The following DCHS2 variants were observed in gnomAD, a reference collection of about 807,000 sequenced individuals.
DCHS2 encodes the protein protocadherin-23.
A neutral mutation model predicts 182.4 loss-of-function variants in DCHS2; 142 were observed. The observed-to-expected ratio is 0.78, with a 90% CI of 0.68 to 0.89. The LOEUF (loss-of-function observed/expected upper bound fraction) is 0.89, where lower values mean the gene tolerates loss of function less well. DCHS2 is among the 40% of genes least tolerant of loss of function. The pLI is 0.00. For missense variants in DCHS2, 4,319 were observed against 4,198.6 expected, an observed-to-expected ratio of 1.03 and a Z score of -0.79; for synonymous variants, 1,740 against 1,663.3, an observed-to-expected ratio of 1.05 and a Z score of -1.12.
chr4:154,484,127 C>T (rs760767202), intron 1 of DCHS2, among the ~76,000 whole-genome samples: 3 of 152,144 alleles, frequency 2.0e-5, no homozygotes, highest in Non-Finnish European at 4.4e-5. Context: ...TTATTTTTTA[C>T]TCCTTCCACC....
At chr4:154,407,934 A>G (rs1050454230) in intron 1 of DCHS2, among the ~76,000 whole-genome samples, 2 of 152,078 alleles carry the variant, frequency 1.3e-5, no homozygotes, top group Admixed American at 6.6e-5. Flanking sequence ...TACAAATGCA[A>G]AAGTTTCTAT....
rs762578462 is a variant in DCHS2, at chr4:154,259,529, A to AG, written c.6789+15_6789+16insC. The AG allele has an allele frequency of 3.8e-6, 6 of 1,595,564 alleles. No individual in the cohort carries two copies. Among genetic ancestry groups the AG allele is most frequent in the African/African-American group, 1.4e-5 (1 of 71,850 alleles). On this transcript the variant is annotated intron_variant, in intron 15 of 19. Coordinates refer to ENST00000357232, the MANE Select transcript of DCHS2 (RefSeq NM_001358235.2). ...ACACACACACACACACACACACACA[A>AG]ATATATTTCTGTTACCTGTATGACA...
intron 1 of DCHS2, among the ~76,000 whole-genome samples, chr4:154,473,470 CAG>C (rs1359055374): frequency 3.3e-5 from 5 of 152,186 alleles, no homozygotes; most frequent in Middle Eastern, 6.8e-3. Flanking sequence ...ACAATGCAGA[CAG>C]GGGAGAATTC....
intron 1 of DCHS2, among the ~76,000 whole-genome samples, chr4:154,458,295 C>T (rs984478950): frequency 2.0e-5 from 3 of 151,426 alleles, no homozygotes; most frequent in African/African-American, 7.3e-5. Context: ...CCCATATTTC[C>T]AAATGAATGG....
Position 154,334,977 on chromosome 4 carries a change from C to G in DCHS2, c.2604G>C (p.Gln868His). The G allele has an allele frequency of 6.2e-7, 1 of 1,614,094 alleles. No individual in the cohort carries two copies. Among genetic ancestry groups the G allele is most frequent in the African/African-American group, 1.3e-5 (1 of 75,016 alleles). ...INADVTIHIF[Q>H]TTLAPAEFER... ...CAAACTCAGCAGGTGCCAGAGTTGT[C>G]TGGAAAATGTGTATGGTGACATCGG... is the stretch of plus-strand genomic sequence containing the variant. Residue 868 changes from glutamine to histidine, a missense_variant, in exon 4 of 20, where the codon CAG (glutamine) becomes CAC (histidine). By Grantham distance (24) the Gln-to-His change is conservative. Transcript: ENST00000357232.
chr4:154,421,401 AATTT>A (rs776222808), intron 1 of DCHS2, among the ~76,000 whole-genome samples: 120 of 151,708 alleles, frequency 7.9e-4, no homozygotes, highest in Middle Eastern at 3.4e-3. Context: ...AATTTAATTT[AATTT>A]ATTTATTTGA....
At chr4:154,361,233 C>T (rs546184059) in intron 3 of DCHS2, among the ~76,000 whole-genome samples, 19 of 152,162 alleles carry the variant, frequency 1.2e-4, no homozygotes, top group African/African-American at 4.6e-4. Flanking sequence ...CTGCCTGTTG[C>T]CTTAAAATGA....
At chr4:154,456,693 A>C (rs1734781946) in intron 1 of DCHS2, among the ~76,000 whole-genome samples, 1 of 152,236 alleles carries the variant, frequency 6.6e-6, no homozygotes. Flanking sequence ...AAGGTAGACA[A>C]CTTAAAATAA....
At chr4:154,458,714 C>T (rs895911840) in intron 1 of DCHS2, among the ~76,000 whole-genome samples, 1 of 152,236 alleles carries the variant, frequency 6.6e-6, no homozygotes. Flanking sequence ...CAGATATATG[C>T]TGAAAACTCT....
chr4:154,306,293 G>A (rs1578943876), intron 10 of DCHS2, among the ~76,000 whole-genome samples: 2 of 152,072 alleles, frequency 1.3e-5, no homozygotes, highest in South Asian at 4.2e-4. Flanking sequence ...AATAACATAG[G>A]ACCAATGTAT....
At chr4:154,405,894 A>G (rs2110881640) in intron 1 of DCHS2, among the ~76,000 whole-genome samples, 1 of 152,312 alleles carries the variant, frequency 6.6e-6, no homozygotes, top group African/African-American at 2.4e-5. Context: ...TGAGTGATAC[A>G]TTGTAAATAG....
chr4:154,480,748 A>G (rs1466699340), intron 1 of DCHS2, among the ~76,000 whole-genome samples: 6 of 152,200 alleles, frequency 3.9e-5, no homozygotes, highest in Admixed American at 3.9e-4. Flanking sequence ...CACACATAAT[A>G]CAAATCAATT....
chr4:154,272,535 G>A (rs1446625138), intron 13 of DCHS2, among the ~76,000 whole-genome samples: 1 of 152,056 alleles, frequency 6.6e-6, no homozygotes, highest in African/African-American at 2.4e-5. Context: ...TAGTGAGTGA[G>A]TTCTCATGAG....
intron 1 of DCHS2, among the ~76,000 whole-genome samples, chr4:154,417,202 T>TGTGA (rs1732886330): frequency 9.5e-5 from 4 of 42,018 alleles, no homozygotes; most frequent in African/African-American, 3.4e-4. Flanking sequence ...TGTGTGTGTG[T>TGTGA]GTGAGAGAGA....
intron 2 of DCHS2, chr4:154,373,844 A>C: frequency 4.1e-6 from 5 of 1,219,130 alleles, no homozygotes; most frequent in Non-Finnish European, 5.9e-6. Flanking sequence ...GAGAAGGAAA[A>C]CTCGAAGCTC....
At chr4:154,475,050 T>C (rs1384386288) in intron 1 of DCHS2, among the ~76,000 whole-genome samples, 1 of 152,152 alleles carries the variant, frequency 6.6e-6, no homozygotes, top group Admixed American at 6.5e-5. Flanking sequence ...CTAATTATAA[T>C]AAAATTAAAG....
rs2111098278 is a variant in DCHS2 at position 154,239,343 on chromosome 4, G to A, written c.7360-41C>T. 3 of 1,606,708 alleles carry A rather than the reference G, an allele frequency of 1.9e-6. No individual in the cohort carries two copies. The South Asian group carries it at 3.3e-5, about 18-fold the overall frequency. On this transcript the variant is annotated intron_variant, in intron 18 of 19. Coordinates refer to ENST00000357232, the MANE Select transcript of DCHS2 (RefSeq NM_001358235.2). ...AAAAATAGGGACATTGTGCTTAAAG[G>A]CTGAAGGTATTTTCACCAACAGGGA...
At chr4:154,329,847 G>T in intron 5 of DCHS2, 137 bp from the exon 6 acceptor site, 1 of 692,724 alleles carries the variant, frequency 1.4e-6, no homozygotes. Context: ...ATAGTAGTTT[G>T]GCTCTATGGT....
chr4:154,243,625 A>G (rs1731942492), intron 16 of DCHS2, among the ~76,000 whole-genome samples: 1 of 152,174 alleles, frequency 6.6e-6, no homozygotes, highest in Admixed American at 6.5e-5. Context: ...TTCCTGGGAC[A>G]TGAGACTTGC....
Sources: allele counts gnomAD v4.1 joint callset (sites outside exome capture counted in the v4.1 genomes callset), GRCh38; gene constraint gnomAD v4.1.1; transcripts MANE v1.5; gene names NCBI Gene and HGNC (gene_info 2026-07-23, HGNC 2026-07-21).